The following ANKS1A variants were observed in gnomAD, a reference collection of about 807,000 sequenced individuals.
ANKS1A encodes ankyrin repeat and SAM domain-containing protein 1A.
A neutral mutation model predicts 120.3 loss-of-function variants in ANKS1A; 55 were observed. The ratio of observed to expected loss-of-function variants is 0.46; its 90% confidence interval spans 0.37 to 0.57. The LOEUF is 0.57. Ranked by LOEUF, ANKS1A falls within the 20% of genes least tolerant of loss-of-function variation. The probability of loss-of-function intolerance (pLI) is 0.00; values close to 1 mark genes in which losing one functional copy is unlikely to be tolerated. For missense variants in ANKS1A, 1,123 were observed against 1,480.3 expected, an observed-to-expected ratio of 0.76 and a Z score of 3.96; for synonymous variants, 590 against 604.7, an observed-to-expected ratio of 0.98 and a Z score of 0.36.
chr6:34,965,039 T>G (rs1193960228), intron 1 of ANKS1A, among the ~76,000 whole-genome samples: 4 of 152,220 alleles, frequency 2.6e-5, no homozygotes. Context: ...TTTTAAAATT[T>G]TCTTGGTGTG....
intron 1 of ANKS1A, among the ~76,000 whole-genome samples, chr6:34,927,362 A>T (rs1768767278): frequency 6.6e-6 from 1 of 152,140 alleles, no homozygotes; most frequent in Non-Finnish European, 1.5e-5. Flanking sequence ...AAGGAAACTG[A>T]CTAGGGTAAT....
intron 11 of ANKS1A, among the ~76,000 whole-genome samples, chr6:35,035,332 C>T (rs868323175): frequency 6.6e-6 from 1 of 152,084 alleles, no homozygotes; most frequent in African/African-American, 2.4e-5. Context: ...GCTGGGGGCT[C>T]ATCTGAATGG....
At chr6:34,921,361 C>T (rs1026365124) in intron 1 of ANKS1A, among the ~76,000 whole-genome samples, 2 of 152,102 alleles carry the variant, frequency 1.3e-5, no homozygotes, top group African/African-American at 4.8e-5. Context: ...ACAAAATACA[C>T]GGGCTTAGAA....
chr6:34,902,977 G>T (rs1032740366), intron 1 of ANKS1A, among the ~76,000 whole-genome samples: 6 of 152,022 alleles, frequency 3.9e-5, no homozygotes, highest in African/African-American at 1.5e-4. Flanking sequence ...GTACCCTAGC[G>T]TCTTCTCATT....
intron 1 of ANKS1A, among the ~76,000 whole-genome samples, chr6:34,939,008 C>A (rs1169021005): frequency 6.6e-6 from 1 of 152,100 alleles, no homozygotes; most frequent in Non-Finnish European, 1.5e-5. Flanking sequence ...ACAAACAAAA[C>A]CAAGTATTTC....
Position 35,060,318 on chromosome 6 carries a change from C to A in ANKS1A, c.2184+65C>A. 1 of 1,384,306 alleles carries A rather than the reference C, an allele frequency of 7.2e-7. No homozygotes were observed. The highest frequency in any genetic ancestry group is 1.2e-5 in the South Asian group (1 of 81,290). The allele number at this position is 1,384,306 out of a possible 1,614,324, so 85.8% of individuals were successfully genotyped here. A position where few individuals can be genotyped will look rare whatever the true frequency, so the allele number is the denominator to read the frequency against. On this transcript the variant is annotated intron_variant, in intron 13 of 23. Coordinates refer to ENST00000360359, the MANE Select transcript of ANKS1A (RefSeq NM_015245.3). This position sits in a 1 kb window ranked among gnomAD's most constrained non-coding sequence, Gnocchi z 4.5. ...CAGTGGAAACAGGCCTCCCTGGCCT[C>A]CCCTCTGGCCCCACAGGAGTCTGCA... is the stretch of plus-strand genomic sequence containing the variant.
chr6:35,049,226 G>A (rs2689091), intron 11 of ANKS1A, among the ~76,000 whole-genome samples: 54,937 of 152,054 alleles, frequency 0.36, 12,293 homozygotes, highest in Middle Eastern at 0.51. Context: ...AAGGGAGTTA[G>A]AGAATTCATA....
intron 11 of ANKS1A, among the ~76,000 whole-genome samples, chr6:35,051,516 T>C (rs900963289): frequency 4.6e-5 from 7 of 152,232 alleles, no homozygotes; most frequent in African/African-American, 1.7e-4. Context: ...GCACGCTGCA[T>C]GGCCGTGGAG....
chr6:35,016,781 A>AGAG (rs554356571), intron 10 of ANKS1A, among the ~76,000 whole-genome samples: 29 of 134,508 alleles, frequency 2.2e-4, no homozygotes, highest in Non-Finnish European at 3.0e-4. Context: ...AAAAAAAAAA[A>AGAG]AGAGAGAGAG....
At chr6:35,056,620 T>C (rs954604820) in intron 12 of ANKS1A, among the ~76,000 whole-genome samples, 15 of 152,140 alleles carry the variant, frequency 9.9e-5, no homozygotes, top group African/African-American at 3.6e-4. Flanking sequence ...CGTGAACCCA[T>C]ATGAGTGTTG....
In ANKS1A at chr6:35,060,347, G is replaced by A; in HGVS notation, c.2184+94G>A. 1 of 1,107,960 alleles carries A rather than the reference G, an allele frequency of 9.0e-7. No individual in the cohort carries two copies. The highest frequency in any genetic ancestry group is 2.9e-4 in the Middle Eastern group (1 of 3,442). 68.6% of individuals were successfully genotyped at this position (1,107,960 alleles called of 1,614,324 possible). A position where few individuals can be genotyped will look rare whatever the true frequency, so the allele number is the denominator to read the frequency against. ...TCTGGCCCCACAGGAGTCTGCAACA[G>A]TACGTAGACCCAAATCCCAGGGAAA... is the stretch of plus-strand genomic sequence containing the variant. On this transcript the variant is annotated intron_variant, in intron 13 of 23. Transcript: ENST00000360359. The surrounding 1 kb of genome is among the most constrained non-coding windows in gnomAD (Gnocchi z 4.5).
intron 1 of ANKS1A, among the ~76,000 whole-genome samples, chr6:34,957,665 C>T (rs928655712): frequency 1.3e-5 from 2 of 152,208 alleles, no homozygotes; most frequent in African/African-American, 4.8e-5. Flanking sequence ...ATTGCTCCCT[C>T]TTTACAGGGT....
rs902809852 is a variant in ANKS1A, at chr6:35,050,587, G to A, written c.2011-3512G>A. ...AGAATGATATCTGCTGTGTCTGAACGCTCTTCTTTGTGTAGATTGAAATGA... is the reference window on the plus strand; with the variant it reads ...AGAATGATATCTGCTGTGTCTGAACACTCTTCTTTGTGTAGATTGAAATGA... On this transcript the variant is annotated intron_variant, in intron 11 of 23. Transcript: ENST00000360359. This position sits in a 1 kb window ranked among gnomAD's most constrained non-coding sequence, Gnocchi z 4.3. Among the ~76,000 whole-genome samples, 9 of 152,140 alleles carry A rather than the reference G, an allele frequency of 5.9e-5. No homozygotes were observed. Among genetic ancestry groups the A allele is most frequent in the African/African-American group, 2.2e-4 (9 of 41,412 alleles).
chr6:34,941,713 A>C (rs893675234), intron 1 of ANKS1A, among the ~76,000 whole-genome samples: 1 of 152,222 alleles, frequency 6.6e-6, no homozygotes, highest in African/African-American at 2.4e-5. Context: ...AACACTCCTG[A>C]CATTCCTTGG....
intron 2 of ANKS1A, among the ~76,000 whole-genome samples, chr6:34,967,890 C>A (rs1477799647): frequency 1.3e-5 from 2 of 151,726 alleles, no homozygotes; most frequent in Admixed American, 1.3e-4. Flanking sequence ...TGTTCTTTTT[C>A]CCTCTGGAAT....
Position 35,044,872 on chromosome 6 carries a change from G to A in ANKS1A, c.2011-9227G>A, listed in dbSNP as rs1243227478. Among the ~76,000 whole-genome samples the A allele has an allele frequency of 2.6e-5, 4 of 152,360 alleles. No homozygotes were observed. The highest frequency in any genetic ancestry group is 4.8e-5 in the African/African-American group (2 of 41,586). ...CTGTCTAATCGCTGTAAACTGAAAT[G>A]TGCAAGGGAGGAGGGTGGTGTGGAC... is the stretch of plus-strand genomic sequence containing the variant. On this transcript the variant is annotated intron_variant, in intron 11 of 23. Transcript: ENST00000360359. The surrounding 1 kb of genome is among the most constrained non-coding windows in gnomAD (Gnocchi z 4.4).
intron 10 of ANKS1A, 127 bp from the exon 11 acceptor site, chr6:35,017,346 C>A: frequency 1.1e-6 from 1 of 944,432 alleles, no homozygotes; most frequent in Non-Finnish European, 1.5e-6. Context: ...CCCTCCCCAG[C>A]CTATCCAGTT....
chr6:35,038,048 G>A (rs992914564), intron 11 of ANKS1A, among the ~76,000 whole-genome samples: 4 of 152,100 alleles, frequency 2.6e-5, no homozygotes, highest in African/African-American at 9.7e-5. Context: ...CTTGGGGAGG[G>A]GAAAAGGAAA....
chr6:35,002,402 G>T lies in ANKS1A; in HGVS notation c.1423+7980G>T, dbSNP rs186178545. On this transcript the variant is annotated intron_variant, in intron 10 of 23. Coordinates refer to ENST00000360359, the MANE Select transcript of ANKS1A (RefSeq NM_015245.3). ...TGGCCGAAGCATGAGGAAACTCATCGCGGGACTCATTTTCCTTAAAATTTG... is the reference window on the plus strand; with the variant it reads ...TGGCCGAAGCATGAGGAAACTCATCTCGGGACTCATTTTCCTTAAAATTTG... Among the ~76,000 whole-genome samples, 8 of 152,266 alleles carry T rather than the reference G, an allele frequency of 5.3e-5. No homozygotes were observed. In the East Asian group the frequency reaches 1.5e-3, roughly 29 times the overall value.
Sources: allele counts gnomAD v4.1 joint callset (sites outside exome capture counted in the v4.1 genomes callset), GRCh38; gene constraint gnomAD v4.1.1; non-coding constraint Gnocchi (gnomAD v3.1); transcripts MANE v1.5; gene names NCBI Gene and HGNC (gene_info 2026-07-23, HGNC 2026-07-21).